The following LUC7L variants were observed in gnomAD, a reference collection of about 807,000 sequenced individuals.
The protein encoded by LUC7L is putative RNA-binding protein Luc7-like 1.
A neutral mutation model predicts 51.1 loss-of-function variants in LUC7L; 29 were observed. The observed-to-expected ratio is 0.57, with a 90% CI of 0.42 to 0.77. The LOEUF is 0.77. LUC7L is among the 30% of genes least tolerant of loss of function. The probability of loss-of-function intolerance (pLI) is 0.00; values close to 1 mark genes in which losing one functional copy is unlikely to be tolerated. For missense variants in LUC7L, 403 were observed against 511.9 expected, an observed-to-expected ratio of 0.79 and a Z score of 2.05; for synonymous variants, 181 against 180.7, an observed-to-expected ratio of 1.00 and a Z score of -0.01.
chr16:190,670 A>C, intron 7 of LUC7L, 100 bp from the exon 8 acceptor site: 19 of 1,066,312 alleles, frequency 1.8e-5, no homozygotes, highest in Non-Finnish European at 2.6e-5. Flanking sequence ...ACCTGAGGTC[A>C]CGAGCTGGAG....
chr16:210,145 C>T (rs767805112), intron 3 of LUC7L, among the ~76,000 whole-genome samples: 3 of 152,078 alleles, frequency 2.0e-5, no homozygotes, highest in Non-Finnish European at 4.4e-5. Flanking sequence ...AAATTAGCCA[C>T]GAGTGGTGGT....
At chr16:193,314 T>C (rs1289308675) in intron 6 of LUC7L, among the ~76,000 whole-genome samples, 1 of 151,522 alleles carries the variant, frequency 6.6e-6, no homozygotes, top group East Asian at 1.9e-4. Context: ...ACCCAACTAA[T>C]TTTTGTATTT....
chr16:201,242 T>TAAAAAA (rs764945208), intron 5 of LUC7L, among the ~76,000 whole-genome samples: 7 of 78,482 alleles, frequency 8.9e-5, no homozygotes, highest in East Asian at 4.6e-4. Flanking sequence ...GCTACATAAC[T>TAAAAAA]AAAAAAAAAA....
At chr16:199,302 C>A in intron 5 of LUC7L, 64 bp from the exon 6 acceptor site, 1 of 1,041,322 alleles carries the variant, frequency 9.6e-7, no homozygotes, top group Non-Finnish European at 1.4e-6. Flanking sequence ...AATTCAATCT[C>A]CAAAATGAAA....
chr16:197,176 GA>G (rs1485990253), intron 6 of LUC7L, among the ~76,000 whole-genome samples: 2 of 145,794 alleles, frequency 1.4e-5, no homozygotes, highest in East Asian at 4.1e-4. Flanking sequence ...AAAATGCTGG[GA>G]TTACAGGAGG....
chr16:227,166 C>G, intron 2 of LUC7L, 76 bp downstream of exon 2: 1 of 1,223,322 alleles, frequency 8.2e-7, no homozygotes, highest in Non-Finnish European at 1.2e-6. Context: ...AAACAAAATT[C>G]AACATAGAAA....
intron 5 of LUC7L, among the ~76,000 whole-genome samples, chr16:201,244 A>ATT: frequency 2.6e-5 from 1 of 38,978 alleles, no homozygotes; most frequent in African/African-American, 6.4e-5. Context: ...TACATAACTA[A>ATT]AAAAAAAAAA....
intron 2 of LUC7L, among the ~76,000 whole-genome samples, chr16:223,378 T>C (rs538402967): frequency 6.6e-6 from 1 of 151,842 alleles, no homozygotes; most frequent in South Asian, 2.1e-4. Context: ...AAATAATAGA[T>C]AAAAAAAGAA....
rs1425845934 is a variant in LUC7L at position 217,072 on chromosome 16, A to G, written c.255+3577T>C. Among the ~76,000 whole-genome samples, 4 of 152,118 alleles carry G rather than the reference A, an allele frequency of 2.6e-5. No homozygotes were observed. In the East Asian group the frequency reaches 5.8e-4, roughly 22 times the overall value. On this transcript the variant is annotated intron_variant, in intron 3 of 9. Coordinates refer to ENST00000293872, the MANE Select transcript of LUC7L (RefSeq NM_201412.3). ...CTGTCACCCAAGTAGAATAAAGTGC[A>G]ATGGTGTGATCTCAGCACACTGCAA...
chr16:204,126 T>C (rs190474782), intron 5 of LUC7L, among the ~76,000 whole-genome samples: 1 of 151,906 alleles, frequency 6.6e-6, no homozygotes, highest in South Asian at 2.1e-4. Flanking sequence ...ATCTTCACTA[T>C]GAGAAAAATT....
At chr16:227,448 C>A in intron 1 of LUC7L, 112 bp from the exon 2 acceptor site, 1 of 1,496,044 alleles carries the variant, frequency 6.7e-7, no homozygotes. Context: ...TCTGTGTTCT[C>A]CCCATCAAAT....
At chr16:216,764 T>C (rs183218832) in intron 3 of LUC7L, among the ~76,000 whole-genome samples, 17 of 152,334 alleles carry the variant, frequency 1.1e-4, no homozygotes, top group African/African-American at 4.1e-4. Flanking sequence ...GGAGTAACTC[T>C]TGTATATTGT....
At chr16:213,950 G>C (rs1475588181) in intron 3 of LUC7L, among the ~76,000 whole-genome samples, 1 of 152,144 alleles carries the variant, frequency 6.6e-6, no homozygotes, top group Admixed American at 6.6e-5. Context: ...TCCTGATCTT[G>C]TGATCTGCCC....
At chr16:208,278 G>A (rs1205419389) in intron 3 of LUC7L, 90 bp from the exon 4 acceptor site, 1 of 932,160 alleles carries the variant, frequency 1.1e-6, no homozygotes, top group Non-Finnish European at 1.7e-6. Context: ...TACACTCCTA[G>A]GTTCGTTTCT....
chr16:228,955 C>A (rs1394936246), intron 1 of LUC7L: 2 of 1,411,584 alleles, frequency 1.4e-6, no homozygotes, highest in African/African-American at 2.9e-5. Flanking sequence ...TGATTCCAGC[C>A]CTCCGCCGAC....
At chr16:218,674 T>C (rs896537242) in intron 3 of LUC7L, among the ~76,000 whole-genome samples, 7 of 151,812 alleles carry the variant, frequency 4.6e-5, no homozygotes, top group Admixed American at 2.0e-4. Flanking sequence ...TGAGCCAAGA[T>C]TGCGCCACTG....
intron 3 of LUC7L, among the ~76,000 whole-genome samples, chr16:217,433 G>A (rs1227316630): frequency 1.3e-5 from 2 of 152,098 alleles, no homozygotes; most frequent in Non-Finnish European, 2.9e-5. Context: ...TAGGCTGGGC[G>A]CAGTGGCTCA....
intron 5 of LUC7L, among the ~76,000 whole-genome samples, chr16:203,722 T>TGGGG (rs2049399130): frequency 7.4e-5 from 1 of 13,542 alleles, no homozygotes; most frequent in South Asian, 2.3e-3. Flanking sequence ...GGGGGCGGGG[T>TGGGG]GGAGGTGGGG....
chr16:204,972 T>C (rs1459751335), intron 5 of LUC7L, among the ~76,000 whole-genome samples: 1 of 152,152 alleles, frequency 6.6e-6, no homozygotes, highest in Non-Finnish European at 1.5e-5. Context: ...TCGGAGATGA[T>C]GAGTGTCACG....
Sources: gnomAD v4.1 joint callset for allele counts (sites outside exome capture counted in the v4.1 genomes callset) on GRCh38, gnomAD v4.1.1 for gene constraint, MANE v1.5 for transcripts, NCBI Gene and HGNC (gene_info 2026-07-23, HGNC 2026-07-21) for gene names.